Variants in LARS1 observed in about 807,000 individuals in gnomAD.
LARS1 encodes leucyl-tRNA synthetase 1.
LARS1 carries 100 observed loss-of-function variants against 162.8 expected under a neutral mutation model. That is an observed-to-expected ratio of 0.61 (90% CI 0.52 to 0.73). The LOEUF is 0.73. Among genes scored for constraint, LARS1 ranks in the 30% least tolerant of loss-of-function variants. The probability of loss-of-function intolerance (pLI) is 0.00; values close to 1 mark genes in which losing one functional copy is unlikely to be tolerated. For synonymous variants in LARS1, 457 were observed against 462.8 expected (o/e 0.99, Z 0.16); for missense variants, 1,258 against 1,408.9 (o/e 0.89, Z 1.71).
At chr5:146,120,335 G>A (rs1027776000) in intron 31 of LARS1, 36 bp downstream of exon 31, 3 of 1,608,352 alleles carry the variant, frequency 1.9e-6, no homozygotes, top group Non-Finnish European at 2.6e-6. Context: ...AAATCTACAA[G>A]CTACTGACAA....
At position 146,157,604 on chromosome 5, in the gene LARS1, G is replaced by A. The variant is rs762687000; in HGVS notation, c.864C>T (p.Phe288=). 6.2e-7 allele frequency: 1 copy of A among 1,613,472 alleles called. No individual in the cohort carries two copies. The highest frequency in any genetic ancestry group is 1.1e-5 in the South Asian group (1 of 91,014). ...KLSGLKGKNI[F]LVAATLRPET... is the part of the protein sequence containing the mutation. Reference sequence around the variant, plus strand: ...CAGGTCTGAGAGTAGCAGCCACCAAGAAAATATTTTTACCTTTCAGGCCAC... The same window carrying A: ...CAGGTCTGAGAGTAGCAGCCACCAAAAAAATATTTTTACCTTTCAGGCCAC... The change falls in exon 10 of 32, where the codon TTC becomes TTT. Residue 288 remains phenylalanine (F), a synonymous_variant. Transcript: ENST00000394434.
Position 146,128,698 on chromosome 5 carries a change from G to A in LARS1, c.2854C>T (p.Leu952=). The A allele has an allele frequency of 6.3e-7, 1 of 1,588,378 alleles. No homozygotes were observed. Residue 952 remains leucine, a synonymous_variant, in exon 27 of 32, where the codon CTG becomes TTG. Transcript: ENST00000394434. ...KNYPPWQHTT[L]SVLRKHFEAN... ...TCAAAGTGTTTACGTAGAACAGACA[G>A]GGTGGTATGTTGCCAAGGTGGATAG...
chr5:146,145,365 G>A (rs1752966524), intron 15 of LARS1, among the ~76,000 whole-genome samples: 1 of 151,872 alleles, frequency 6.6e-6, no homozygotes, highest in African/African-American at 2.4e-5. Flanking sequence ...ACAGCCTTGA[G>A]CCACTGTGCA....
rs186632766 is a variant in LARS1, at chr5:146,177,795, G to A, written c.7-130C>T. Reference sequence around the variant, plus strand: ...TCCATGGTTATCTTGAAATTTAAATGAACATTAAAAATTAGGGTTATCAGC... The same window carrying A: ...TCCATGGTTATCTTGAAATTTAAATAAACATTAAAAATTAGGGTTATCAGC... On this transcript the variant is annotated intron_variant, in intron 1 of 31. Coordinates refer to ENST00000394434, the MANE Select transcript of LARS1 (RefSeq NM_020117.11). 263 of 459,100 alleles carry A rather than the reference G, an allele frequency of 5.7e-4. 2 individuals carry two copies. The highest frequency in any genetic ancestry group is 5.1e-3 in the African/African-American group (245 of 48,448). 28.4% of individuals were successfully genotyped at this position (459,100 alleles called of 1,614,324 possible).
rs542101795 is a variant in LARS1 at position 146,159,249 on chromosome 5, T to C, written c.771+158A>G. 2.0e-5 allele frequency among the ~76,000 whole-genome samples: 3 copies of C among 152,294 alleles called. No homozygotes were observed. In the East Asian group the frequency reaches 5.8e-4, roughly 29 times the overall value. ...AGCTAGGTACTACACAAGATACAGGTACCTGTATTGATATTCTATCTCCTC... is the reference window on the plus strand; with the variant it reads ...AGCTAGGTACTACACAAGATACAGGCACCTGTATTGATATTCTATCTCCTC... On this transcript the variant is annotated intron_variant, in intron 8 of 31. Coordinates refer to ENST00000394434, the MANE Select transcript of LARS1 (RefSeq NM_020117.11).
chr5:146,129,982 A>C (rs370412649), intron 25 of LARS1, 36 bp downstream of exon 25: 13 of 1,580,980 alleles, frequency 8.2e-6, no homozygotes, highest in Non-Finnish European at 1.1e-5. Flanking sequence ...AGCCAAAATC[A>C]AAACCACTCG....
In LARS1 at chr5:146,135,612, A is replaced by G. The variant is rs1752470274; in HGVS notation, c.2201T>C (p.Phe734Ser). 4 of 1,604,590 alleles carry G rather than the reference A, an allele frequency of 2.5e-6. No individual in the cohort carries two copies. The African/African-American group carries it at 5.4e-5, about 22-fold the overall frequency. The change falls in exon 22 of 32, where the codon TTT (phenylalanine) becomes TCT (serine). Residue 734 changes from phenylalanine (F) to serine (S), a missense_variant. Phe to Ser is a radical substitution (Grantham distance 155). Coordinates refer to ENST00000394434, the MANE Select transcript of LARS1 (RefSeq NM_020117.11). ...FLTLTQAIDK[F>S]SADGMRLALA... ...AAATGTTTACTCACCATCTGCTGAAAATTTGTCAATAGCTTGGGTCAAAGT... is the reference window on the plus strand; with the variant it reads ...AAATGTTTACTCACCATCTGCTGAAGATTTGTCAATAGCTTGGGTCAAAGT...
At chr5:146,122,461 G>C (rs1357008043) in intron 30 of LARS1, 31 bp downstream of exon 30, 1 of 1,207,172 alleles carries the variant, frequency 8.3e-7, no homozygotes. Flanking sequence ...GTTTTAAAAT[G>C]CAATGATTCA....
chr5:146,165,671 A>AG (rs767477784), intron 5 of LARS1, among the ~76,000 whole-genome samples: 58 of 151,762 alleles, frequency 3.8e-4, no homozygotes, highest in Non-Finnish European at 7.2e-4. Context: ...ACCACACTCA[A>AG]GGGGGAGGGA....
chr5:146,175,355 T>C (rs1754509164), intron 2 of LARS1, among the ~76,000 whole-genome samples: 1 of 140,454 alleles, frequency 7.1e-6, no homozygotes, highest in Admixed American at 7.3e-5. Context: ...CTGGCCAACA[T>C]GGCAAAACCC....
intron 15 of LARS1, among the ~76,000 whole-genome samples, chr5:146,146,655 T>C (rs908795000): frequency 7.3e-6 from 1 of 137,760 alleles, no homozygotes; most frequent in Non-Finnish European, 1.6e-5. Flanking sequence ...GTCAGCATAC[T>C]AGATGTTGGT....
chr5:146,114,143 A>C lies in LARS1; in HGVS notation c.3494T>G (p.Val1165Gly). 6.2e-7 allele frequency: 1 copy of C among 1,613,790 alleles called. No individual in the cohort carries two copies. Among genetic ancestry groups the C allele is most frequent in the Non-Finnish European group, 8.5e-7 (1 of 1,179,928 alleles). The change falls in exon 32 of 32, where the codon GTG becomes GGG. Residue 1165 changes from valine (V) to glycine (G), a missense_variant. Physicochemically the swap from Val to Gly is moderately radical, Grantham distance 109 (BLOSUM62 -3). Transcript: ENST00000394434. ...KIHLTENGIR[V>G]DIGDTIIYLV... ...ATAGATTATTGTATCGCCAATATCC[A>C]CCCTTATCCCATTCTCAGTCAGATG...
intron 10 of LARS1, among the ~76,000 whole-genome samples, chr5:146,156,636 G>C (rs1753541117): frequency 6.6e-6 from 1 of 152,010 alleles, no homozygotes; most frequent in South Asian, 2.1e-4. Flanking sequence ...CAGAGGTGCA[G>C]TGAGCTGAGA....
rs17104268 is a variant in LARS1, at chr5:146,130,165, A to G, written c.2488-7T>C. On this transcript the variant is annotated splice_region_variant and splice_polypyrimidine_tract_variant and intron_variant, in intron 24 of 31. Transcript: ENST00000394434. ...GGTACTTATCTTTTGCGGCCTATAA[A>G]ATTTGAAATTATTTACCATTTCCCT... The G allele has an allele frequency of 1.9e-6, 3 of 1,610,850 alleles. No homozygotes were observed. Among genetic ancestry groups the G allele is most frequent in the Non-Finnish European group, 2.5e-6 (3 of 1,178,910 alleles).
In LARS1 at chr5:146,132,929, C is replaced by A; in HGVS notation, c.2365G>T (p.Ala789Ser). The change falls in exon 23 of 32, where the codon GCC (alanine) becomes TCC (serine). Residue 789 changes from alanine to serine, a missense_variant. Physicochemically the swap from Ala to Ser is moderately conservative, Grantham distance 99. Coordinates refer to ENST00000394434, the MANE Select transcript of LARS1 (RefSeq NM_020117.11). ...ANWDSLRSGP[A>S]STFNDRVFAS... Reference sequence around the variant, plus strand: ...AAAACTCTATCATTGAAAGTGCTGGCAGGACCACTTCTTAGGCTGTCCCAG... The same window carrying A: ...AAAACTCTATCATTGAAAGTGCTGGAAGGACCACTTCTTAGGCTGTCCCAG... The A allele has an allele frequency of 6.2e-7, 1 of 1,613,972 alleles. No individual in the cohort carries two copies.
At chr5:146,146,842 T>C (rs949844304) in intron 15 of LARS1, among the ~76,000 whole-genome samples, 4 of 151,650 alleles carry the variant, frequency 2.6e-5, no homozygotes, top group Admixed American at 2.6e-4. Flanking sequence ...GCCTCCCGAA[T>C]AGCTGGAATT....
At chr5:146,171,084 T>C (rs1467119312) in intron 4 of LARS1, among the ~76,000 whole-genome samples, 2 of 151,884 alleles carry the variant, frequency 1.3e-5, no homozygotes, top group South Asian at 4.2e-4. Flanking sequence ...AGGCCGGGCA[T>C]GGTGGCTCAC....
At chr5:146,169,123 G>GAA (rs1754148165) in intron 4 of LARS1, among the ~76,000 whole-genome samples, 1 of 151,618 alleles carries the variant, frequency 6.6e-6, no homozygotes, top group African/African-American at 2.4e-5. Flanking sequence ...AAGAAAGAAA[G>GAA]AAAGATAGAT....
intron 10 of LARS1, among the ~76,000 whole-genome samples, chr5:146,154,590 C>G (rs1305274114): frequency 6.6e-6 from 1 of 151,966 alleles, no homozygotes; most frequent in East Asian, 2.0e-4. Context: ...CCAGCCTGGG[C>G]AACATGGTGA....
Sources: allele counts gnomAD v4.1 joint callset (sites outside exome capture counted in the v4.1 genomes callset), GRCh38; gene constraint gnomAD v4.1.1; transcripts MANE v1.5; gene names NCBI Gene and HGNC (gene_info 2026-07-23, HGNC 2026-07-21).